Variants in SYTL5 observed in about 807,000 individuals in gnomAD.
SYTL5 encodes synaptotagmin like 5.
SYTL5 carries 34 observed loss-of-function variants against 55.9 expected under a neutral mutation model. That is an observed-to-expected ratio of 0.61 (90% CI 0.46 to 0.81). The LOEUF (loss-of-function observed/expected upper bound fraction) is 0.81. Among genes scored for constraint, SYTL5 ranks in the 30% least tolerant of loss-of-function variants. SYTL5 has a pLI of 0.00. For missense variants in SYTL5, 637 were observed against 546.7 expected (o/e 1.17, Z -1.65); for synonymous variants, 221 against 188.7 (o/e 1.17, Z -1.40).
At chrX:37,993,402 T>C in the SYTL5 span, among the ~76,000 whole-genome samples, 1 of 112,316 alleles carries the variant, frequency 8.9e-6, no homozygotes, top group Non-Finnish European at 1.9e-5. Context: ...TAACCAAGCA[T>C]GAAGCACACA....
the SYTL5 span, among the ~76,000 whole-genome samples, chrX:37,891,582 T>G: frequency 9.0e-6 from 1 of 111,707 alleles, no homozygotes; most frequent in East Asian, 2.8e-4. Flanking sequence ...GTGAATATAC[T>G]ACTATTGAAT....
the SYTL5 span, among the ~76,000 whole-genome samples, chrX:37,935,791 T>C: frequency 4.5e-5 from 5 of 112,348 alleles, no homozygotes; most frequent in African/African-American, 1.6e-4. Context: ...CACCAGAAAG[T>C]ATCTTTTTAA....
intron 1 of SYTL5, among the ~76,000 whole-genome samples, chrX:38,014,851 T>A (rs1278710348): frequency 2.7e-5 from 3 of 112,309 alleles, no homozygotes; most frequent in African/African-American, 9.7e-5. Context: ...GAGGGATGAC[T>A]TTGAGTTCTC....
upstream of SYTL5, among the ~76,000 whole-genome samples, chrX:38,005,428 TTATG>T (rs1293410227): frequency 9.0e-6 from 1 of 111,485 alleles, no homozygotes; most frequent in Non-Finnish European, 1.9e-5. Flanking sequence ...AAATCAATTA[TTATG>T]TATTCAAAGA....
the SYTL5 span, among the ~76,000 whole-genome samples, chrX:37,912,768 A>G: frequency 8.9e-6 from 1 of 112,542 alleles, no homozygotes; most frequent in East Asian, 2.8e-4. Context: ...TTTACAAATA[A>G]GAAGACTGAT....
chrX:37,995,903 T>C, the SYTL5 span, among the ~76,000 whole-genome samples: 3 of 112,516 alleles, frequency 2.7e-5, no homozygotes, highest in East Asian at 8.4e-4. Flanking sequence ...GAGGACTTCA[T>C]TCAAGGCAGG....
chrX:38,119,019 G>A (rs1448722794), intron 13 of SYTL5, among the ~76,000 whole-genome samples: 2 of 102,018 alleles, frequency 2.0e-5, no homozygotes, highest in Non-Finnish European at 3.9e-5. Context: ...TCACTGTGTT[G>A]CCCAGGCTGG....
the SYTL5 span, among the ~76,000 whole-genome samples, chrX:37,973,309 T>A: frequency 9.0e-6 from 1 of 110,938 alleles, no homozygotes; most frequent in Non-Finnish European, 1.9e-5. Flanking sequence ...AGAAAAAAAA[T>A]CAGAGCGTAG....
In SYTL5 at chrX:38,123,502, G is replaced by T. The variant is rs149279463; in HGVS notation, c.1841+1287G>T. Among the ~76,000 whole-genome samples, 677 of 111,616 alleles carry T rather than the reference G, an allele frequency of 6.1e-3. 7 individuals are homozygous for T. Among genetic ancestry groups the T allele is most frequent in the African/African-American group, 0.021 (646 of 30,704 alleles). Reference sequence around the variant, plus strand: ...GGCCTCCCCATTGGTGAGTGTGTATGCCTGAATCCTGGCACATCTTCCCTT... The same window carrying T: ...GGCCTCCCCATTGGTGAGTGTGTATTCCTGAATCCTGGCACATCTTCCCTT... On this transcript the variant is annotated intron_variant, in intron 15 of 16. Coordinates refer to ENST00000297875, the MANE Select transcript of SYTL5 (RefSeq NM_138780.3).
the SYTL5 span, among the ~76,000 whole-genome samples, chrX:37,966,594 C>A: frequency 1.4e-4 from 15 of 109,111 alleles, no homozygotes; most frequent in African/African-American, 3.3e-4. Flanking sequence ...CACGCCACCA[C>A]GTCTGGCTAA....
the SYTL5 span, among the ~76,000 whole-genome samples, chrX:37,999,778 G>A: frequency 9.0e-6 from 1 of 111,704 alleles, no homozygotes; most frequent in Non-Finnish European, 1.9e-5. Context: ...GGTAAAAGGG[G>A]ACCAGACTTT....
chrX:38,050,333 A>G (rs912727337), intron 2 of SYTL5, among the ~76,000 whole-genome samples: 2 of 112,199 alleles, frequency 1.8e-5, no homozygotes, highest in African/African-American at 6.5e-5. Context: ...GTGATGATAA[A>G]GCAAAAAGTC....
At chrX:37,931,820 A>G in the SYTL5 span, among the ~76,000 whole-genome samples, 1 of 111,679 alleles carries the variant, frequency 9.0e-6, no homozygotes, top group Non-Finnish European at 1.9e-5. Context: ...CAGGGCTAAT[A>G]GTTTGAGGAG....
intron 1 of SYTL5, among the ~76,000 whole-genome samples, chrX:38,015,505 A>G (rs1253272754): frequency 8.9e-6 from 1 of 111,775 alleles, no homozygotes; most frequent in Middle Eastern, 4.2e-3. Flanking sequence ...TGCCAAAGCT[A>G]GGATTTGAAT....
intron 13 of SYTL5, among the ~76,000 whole-genome samples, chrX:38,115,795 A>G (rs1937475374): frequency 9.0e-6 from 1 of 111,596 alleles, no homozygotes. Flanking sequence ...TTACTATTGA[A>G]TTGCTTGAGT....
chrX:38,032,474 A>G (rs1323547762), intron 1 of SYTL5, among the ~76,000 whole-genome samples: 1 of 111,132 alleles, frequency 9.0e-6, no homozygotes, highest in Non-Finnish European at 1.9e-5. Flanking sequence ...TTCACAAACA[A>G]CCATGTACAT....
the SYTL5 span, among the ~76,000 whole-genome samples, chrX:37,925,277 T>G: frequency 1.8e-5 from 2 of 112,166 alleles, no homozygotes; most frequent in East Asian, 5.5e-4. Context: ...CTTTATTCAT[T>G]TATCCATTGA....
chrX:38,043,688 T>TATATATATATATATATATATAC (rs1210450618), intron 2 of SYTL5, among the ~76,000 whole-genome samples: 1 of 64,958 alleles, frequency 1.5e-5, no homozygotes, highest in African/African-American at 8.3e-5. Context: ...TATATATATA[T>TATATATATATATATATATATAC]ATACATATAT....
rs1261082790 is a variant in SYTL5, at chrX:38,117,330, T to G, written c.1597-3028T>G. ...TTGAAGTCTATATTTATACGGGGTCTACAGTATATTTTAAGCTAAAAACCA... is the reference window on the plus strand; with the variant it reads ...TTGAAGTCTATATTTATACGGGGTCGACAGTATATTTTAAGCTAAAAACCA... On this transcript the variant is annotated intron_variant, in intron 13 of 16. Coordinates refer to ENST00000297875, the MANE Select transcript of SYTL5 (RefSeq NM_138780.3). Among the ~76,000 whole-genome samples the G allele has an allele frequency of 2.7e-5, 3 of 112,057 alleles. No homozygotes were observed. In the South Asian group the frequency reaches 1.1e-3, roughly 42 times the overall value.
Sources: allele counts gnomAD v4.1 joint callset (sites outside exome capture counted in the v4.1 genomes callset), GRCh38; gene constraint gnomAD v4.1.1; transcripts MANE v1.5; gene names NCBI Gene and HGNC (gene_info 2026-07-23, HGNC 2026-07-21).